COPS2: variants seen among roughly 807,000 people sequenced by gnomAD.
COPS2 encodes COP9 signalosome subunit 2.
A neutral mutation model predicts 66.1 loss-of-function variants in COPS2; 10 were observed. That is an observed-to-expected ratio of 0.15 (90% CI 0.09 to 0.26). The LOEUF is 0.26. COPS2 is among the 10% of genes least tolerant of loss of function. The pLI, the probability that COPS2 is intolerant of heterozygous loss-of-function variation, is 1.00. For synonymous variants in COPS2, 179 were observed against 171.3 expected, an observed-to-expected ratio of 1.04 and a Z score of -0.35; for missense variants, 215 against 513.3, an observed-to-expected ratio of 0.42 and a Z score of 5.62.
At chr15:49,140,464 C>T (rs1193043537) in intron 3 of COPS2, among the ~76,000 whole-genome samples, 1 of 152,010 alleles carries the variant, frequency 6.6e-6, no homozygotes, top group East Asian at 1.9e-4. Flanking sequence ...ACAATTTTTT[C>T]AAGCCTCAAT....
chr15:49,148,367 A>G (rs2084336418), intron 1 of COPS2, among the ~76,000 whole-genome samples: 1 of 152,208 alleles, frequency 6.6e-6, no homozygotes, highest in Admixed American at 6.5e-5. Flanking sequence ...AAAAGGAGTA[A>G]TCAACTACTT....
intron 2 of COPS2, 73 bp from the exon 3 acceptor site, chr15:49,144,377 G>C: frequency 1.2e-6 from 1 of 843,266 alleles, no homozygotes. Flanking sequence ...CAATGTGTAA[G>C]TATTGAATTA....
chr15:49,149,475 T>C (rs2084344046), intron 1 of COPS2, among the ~76,000 whole-genome samples: 1 of 152,242 alleles, frequency 6.6e-6, no homozygotes, highest in Non-Finnish European at 1.5e-5. Context: ...CATAGAGCTT[T>C]GTATGTTAAA....
At chr15:49,145,114 A>C in intron 1 of COPS2, 36 bp from the exon 2 acceptor site, 1 of 1,202,084 alleles carries the variant, frequency 8.3e-7, no homozygotes, top group Non-Finnish European at 1.2e-6. Context: ...AAAGAAAAAA[A>C]GAAAAGAAAC....
intron 9 of COPS2, 139 bp from the exon 10 acceptor site, chr15:49,130,955 T>C (rs2084203721): frequency 2.2e-6 from 1 of 464,034 alleles, no homozygotes; most frequent in Non-Finnish European, 3.8e-6. Flanking sequence ...GAAATCACAG[T>C]TAAACAAGCA....
chr15:49,141,034 A>T (rs909880342), intron 3 of COPS2, among the ~76,000 whole-genome samples: 8 of 152,208 alleles, frequency 5.3e-5, no homozygotes, highest in African/African-American at 1.9e-4. Flanking sequence ...TACATATATA[A>T]AACCACTTCT....
chr15:49,128,152 GA>G (rs2084182682), intron 12 of COPS2, 58 bp from the exon 13 acceptor site: 2 of 1,530,694 alleles, frequency 1.3e-6, no homozygotes. Flanking sequence ...ACAGTTTCTG[GA>G]TTAATGTTTC....
chr15:49,152,985 C>T (rs2084373076), intron 1 of COPS2, among the ~76,000 whole-genome samples: 2 of 152,204 alleles, frequency 1.3e-5, no homozygotes, highest in African/African-American at 4.8e-5. Context: ...AAGATTCTCA[C>T]TGCTATTGCT....
Position 49,139,519 on chromosome 15 carries a change from G to T in COPS2, c.372+9C>A, listed in dbSNP as rs369672850. The T allele has an allele frequency of 7.4e-5, 117 of 1,584,824 alleles. 1 individual carries two copies. The South Asian group carries it at 1.2e-3, about 17-fold the overall frequency. ...CTGATCGTCCCAAGAGGGGAAAATT[G>T]AGTCTAACCTGTTTAGAAGTAGAGA... On this transcript the variant is annotated intron_variant, in intron 4 of 12. Transcript: ENST00000388901.
intron 1 of COPS2, among the ~76,000 whole-genome samples, chr15:49,150,909 T>TA (rs939623171): frequency 1.3e-4 from 20 of 151,636 alleles, no homozygotes; most frequent in Admixed American, 4.6e-4. Flanking sequence ...ACCTAAAAGT[T>TA]AAAAAAAATA....
chr15:49,136,760 G>T (rs970518109), intron 6 of COPS2, among the ~76,000 whole-genome samples: 1 of 152,004 alleles, frequency 6.6e-6, no homozygotes, highest in East Asian at 1.9e-4. Context: ...TGGCCGAGGC[G>T]GTGATCGCCT....
At chr15:49,131,356 T>C (rs2084207180) in intron 9 of COPS2, among the ~76,000 whole-genome samples, 1 of 151,718 alleles carries the variant, frequency 6.6e-6, no homozygotes, top group Non-Finnish European at 1.5e-5. Context: ...AAAAGGAACA[T>C]TTCTCAATCC....
rs2141120286 is a variant in COPS2, at chr15:49,126,266, G to A, written c.*1684C>T. On this transcript the variant is annotated 3_prime_UTR_variant, in exon 13 of 13. Transcript: ENST00000388901. ...TTTCTACAATTTCCAACTTGTACCTGTGTTTAATACTGCTTTAGTCTGCTA... is the reference window on the plus strand; with the variant it reads ...TTTCTACAATTTCCAACTTGTACCTATGTTTAATACTGCTTTAGTCTGCTA... 6.6e-6 allele frequency: 1 copy of A among 152,398 alleles called. No individual in the cohort carries two copies. The highest frequency in any genetic ancestry group is 2.4e-5 in the African/African-American group (1 of 41,488). 9.4% of individuals were successfully genotyped at this position (152,398 alleles called of 1,614,324 possible).
intron 1 of COPS2, among the ~76,000 whole-genome samples, chr15:49,150,815 G>A (rs1206262973): frequency 6.6e-6 from 1 of 152,108 alleles, no homozygotes; most frequent in African/African-American, 2.4e-5. Context: ...ACTTGGCTTA[G>A]TACCTGGGTG....
Position 49,127,792 on chromosome 15 carries a change from A to G in COPS2, c.*158T>C, listed in dbSNP as rs1595818448. ...CTGTTTTTCTTGGGATAAATGCAGC[A>G]GCAAAACACAAACCAGTTGATCAAA... On this transcript the variant is annotated 3_prime_UTR_variant, in exon 13 of 13. Coordinates refer to ENST00000388901, the MANE Select transcript of COPS2 (RefSeq NM_004236.4). 2 of 711,078 alleles carry G rather than the reference A, an allele frequency of 2.8e-6. No homozygotes were observed. Among genetic ancestry groups the G allele is most frequent in the East Asian group, 5.7e-5 (2 of 35,310 alleles). The allele number at this position is 711,078 out of a possible 1,614,324, so 44.0% of individuals were successfully genotyped here. A position where few individuals can be genotyped will look rare whatever the true frequency, so the allele number is the denominator to read the frequency against.
rs1036571305 is a variant in COPS2, at chr15:49,127,738, G to GT, written c.*211dup. 2.0e-6 allele frequency: 1 copy of GT among 499,534 alleles called. No individual in the cohort carries two copies. Among genetic ancestry groups the GT allele is most frequent in the Admixed American group, 3.6e-5 (1 of 27,884 alleles). 30.9% of individuals were successfully genotyped at this position (499,534 alleles called of 1,614,324 possible). A position where few individuals can be genotyped will look rare whatever the true frequency, so the allele number is the denominator to read the frequency against. On this transcript the variant is annotated 3_prime_UTR_variant, in exon 13 of 13. Transcript: ENST00000388901. ...ATGTCAATACAGCATAAATCCCATG[G>GT]TATTTTGGTTTTCTTCTGGAGATTA... is the stretch of plus-strand genomic sequence containing the variant.
chr15:49,139,315 T>C, intron 4 of COPS2: 1 of 423,154 alleles, frequency 2.4e-6, no homozygotes, highest in Non-Finnish European at 4.2e-6. Flanking sequence ...CTGAAGGCAT[T>C]ATTTAAAGAG....
chr15:49,147,031 A>G (rs2084325794), intron 1 of COPS2, among the ~76,000 whole-genome samples: 1 of 152,118 alleles, frequency 6.6e-6, no homozygotes, highest in Non-Finnish European at 1.5e-5. Context: ...ACTACTGCTT[A>G]TCATTTCAGA....
chr15:49,139,995 CT>C (rs935901678), intron 3 of COPS2, among the ~76,000 whole-genome samples: 12 of 150,832 alleles, frequency 8.0e-5, no homozygotes, highest in Non-Finnish European at 1.6e-4. Flanking sequence ...CAAGTATTTT[CT>C]TTTTTTTTGA....
Sources: gnomAD v4.1 joint callset for allele counts (sites outside exome capture counted in the v4.1 genomes callset) on GRCh38, gnomAD v4.1.1 for gene constraint, MANE v1.5 for transcripts, NCBI Gene and HGNC (gene_info 2026-07-23, HGNC 2026-07-21) for gene names.